The following CNTN5 variants were observed in gnomAD, a reference collection of about 807,000 sequenced individuals.
CNTN5 encodes the protein contactin-5.
Under a neutral mutation model 129.1 loss-of-function variants are expected in CNTN5, and 77 were observed. The observed-to-expected ratio is 0.60, with a 90% CI of 0.50 to 0.72. The LOEUF (loss-of-function observed/expected upper bound fraction) is 0.72, where lower values mean the gene tolerates loss of function less well. Ranked by LOEUF, CNTN5 falls within the 30% of genes least tolerant of loss-of-function variation. The pLI, the probability that CNTN5 is intolerant of heterozygous loss-of-function variation, is 0.00. For missense variants in CNTN5, 1,478 were observed against 1,328.8 expected (o/e 1.11, Z -1.75); for synonymous variants, 509 against 465.6 (o/e 1.09, Z -1.20).
At chr11:100,262,511 T>G (rs1439133064) in intron 17 of CNTN5, among the ~76,000 whole-genome samples, 1 of 152,144 alleles carries the variant, frequency 6.6e-6, no homozygotes, top group East Asian at 1.9e-4. Flanking sequence ...TGCAGCACTA[T>G]TCACAATAGC....
chr11:99,837,835 C>T (rs533552365), intron 4 of CNTN5, among the ~76,000 whole-genome samples: 3 of 151,856 alleles, frequency 2.0e-5, no homozygotes, highest in African/African-American at 7.2e-5. Context: ...AAGGTCAGTT[C>T]TATGGGTTAT....
At chr11:99,304,619 A>G (rs1404319787) in intron 1 of CNTN5, among the ~76,000 whole-genome samples, 1 of 152,158 alleles carries the variant, frequency 6.6e-6, no homozygotes, top group Non-Finnish European at 1.5e-5. Context: ...TTAAACTCAC[A>G]CTCACTACCT....
rs561046961 is a variant in CNTN5, at chr11:99,102,252, C to G, written c.-210+80982C>G. ...ATTTTTTTCTCATAGGCCTCTTGGT[C>G]AGTGATGGGAGGGGCTGCTGCAAAG... On this transcript the variant is annotated intron_variant, in intron 1 of 24. Coordinates refer to ENST00000524871, the MANE Select transcript of CNTN5 (RefSeq NM_014361.4). Among the ~76,000 whole-genome samples the G allele has an allele frequency of 1.9e-4, 29 of 151,750 alleles. No homozygotes were observed. In the East Asian group the frequency reaches 5.2e-3, roughly 27 times the overall value.
intron 4 of CNTN5, among the ~76,000 whole-genome samples, chr11:99,823,196 C>T (rs974628214): frequency 6.6e-6 from 1 of 152,230 alleles, no homozygotes; most frequent in African/African-American, 2.4e-5. Flanking sequence ...AGGTAATAAA[C>T]ACATAATCTT....
chr11:99,583,546 C>T (rs758040948), intron 3 of CNTN5, among the ~76,000 whole-genome samples: 13 of 152,198 alleles, frequency 8.5e-5, no homozygotes, highest in East Asian at 3.8e-4. Flanking sequence ...CCCCCAGCCT[C>T]GCTGCCTCCT....
intron 2 of CNTN5, among the ~76,000 whole-genome samples, chr11:99,374,381 T>C (rs1414732982): frequency 6.6e-6 from 1 of 152,206 alleles, no homozygotes; most frequent in Non-Finnish European, 1.5e-5. Flanking sequence ...TTGAAGCTAT[T>C]CACTACTTAA....
At chr11:99,636,206 T>G (rs1591396803) in intron 3 of CNTN5, among the ~76,000 whole-genome samples, 1 of 152,298 alleles carries the variant, frequency 6.6e-6, no homozygotes, top group East Asian at 1.9e-4. Flanking sequence ...TACTTTTATC[T>G]TTAACTATTT....
At chr11:99,837,139 C>A (rs1166791112) in intron 4 of CNTN5, among the ~76,000 whole-genome samples, 1 of 152,156 alleles carries the variant, frequency 6.6e-6, no homozygotes, top group Non-Finnish European at 1.5e-5. Flanking sequence ...AGGTCTCAGT[C>A]TCATTTTTCC....
intron 1 of CNTN5, among the ~76,000 whole-genome samples, chr11:99,135,324 G>A (rs1859163797): frequency 6.6e-6 from 1 of 152,156 alleles, no homozygotes; most frequent in African/African-American, 2.4e-5. Context: ...AGAGGGATAT[G>A]ATAGAAAGTA....
chr11:100,175,169 T>C (rs565328240), intron 13 of CNTN5, among the ~76,000 whole-genome samples: 1 of 152,284 alleles, frequency 6.6e-6, no homozygotes, highest in African/African-American at 2.4e-5. Context: ...TTTCTTTTGA[T>C]ATTTACTTCA....
intron 7 of CNTN5, among the ~76,000 whole-genome samples, chr11:99,925,898 C>G (rs1950050925): frequency 6.6e-6 from 1 of 152,102 alleles, no homozygotes. Flanking sequence ...TTCTCTGCTT[C>G]TAAATAGCTA....
intron 1 of CNTN5, among the ~76,000 whole-genome samples, chr11:99,215,534 T>A (rs900404994): frequency 2.6e-5 from 4 of 152,162 alleles, no homozygotes; most frequent in Non-Finnish European, 5.9e-5. Context: ...GAGGGGATTG[T>A]GGTGCCATTT....
intron 10 of CNTN5, among the ~76,000 whole-genome samples, chr11:100,068,708 T>C (rs111600172): frequency 1.3e-5 from 2 of 152,312 alleles, no homozygotes; most frequent in African/African-American, 4.8e-5. Context: ...AAACTCACTA[T>C]GGTAAAGATT....
chr11:99,758,448 C>G (rs958842632), intron 3 of CNTN5, among the ~76,000 whole-genome samples: 2 of 151,920 alleles, frequency 1.3e-5, no homozygotes, highest in Non-Finnish European at 2.9e-5. Flanking sequence ...AGAAATCTGC[C>G]TTTTTAGCAA....
intron 13 of CNTN5, among the ~76,000 whole-genome samples, chr11:100,114,302 G>A (rs2138132121): frequency 6.6e-6 from 1 of 152,116 alleles, no homozygotes; most frequent in East Asian, 1.9e-4. Flanking sequence ...ATACCTAGAA[G>A]CTGTCATTGA....
chr11:100,312,578 T>C (rs525406), intron 21 of CNTN5, among the ~76,000 whole-genome samples: 69,728 of 151,786 alleles, frequency 0.46, 17,740 homozygotes, highest in East Asian at 0.92. Flanking sequence ...CTACCACAAT[T>C]CTACCTATAT....
In CNTN5 at chr11:99,782,181, C is replaced by T. The variant is rs979862665; in HGVS notation, c.56-37363C>T. 3.6e-3 allele frequency among the ~76,000 whole-genome samples: 538 copies of T among 148,730 alleles called. 2 individuals carry two copies. The highest frequency in any genetic ancestry group is 6.9e-3 in the Non-Finnish European group (465 of 67,318). Reference sequence around the variant, plus strand: ...AATCACAAGCATTCTTATACACCAACAACAGACAAACAGAGAGCCAAATCA... The same window carrying T: ...AATCACAAGCATTCTTATACACCAATAACAGACAAACAGAGAGCCAAATCA... On this transcript the variant is annotated intron_variant, in intron 3 of 24. Transcript: ENST00000524871.
chr11:99,561,914 T>C (rs1040345017), intron 3 of CNTN5, among the ~76,000 whole-genome samples: 1 of 152,102 alleles, frequency 6.6e-6, no homozygotes, highest in African/African-American at 2.4e-5. Flanking sequence ...GCTCAGGACA[T>C]TTCATCCCCA....
At chr11:99,240,407 A>AT (rs146603020) in intron 1 of CNTN5, among the ~76,000 whole-genome samples, 2,598 of 152,302 alleles carry the variant, frequency 0.017, 87 homozygotes, top group African/African-American at 0.06. Flanking sequence ...AATCAGGTCC[A>AT]TCAGCTTGTT....
Sources: allele counts gnomAD v4.1 joint callset (sites outside exome capture counted in the v4.1 genomes callset), GRCh38; gene constraint gnomAD v4.1.1; transcripts MANE v1.5; gene names NCBI Gene and HGNC (gene_info 2026-07-23, HGNC 2026-07-21).